SFSWAP: variants seen among roughly 807,000 people sequenced by gnomAD.
The protein encoded by SFSWAP is splicing factor, suppressor of white-apricot homolog.
A neutral mutation model predicts 100.7 loss-of-function variants in SFSWAP; 17 were observed. That is an observed-to-expected ratio of 0.17 (90% CI 0.12 to 0.25). The LOEUF is 0.25. Ranked by LOEUF, SFSWAP falls within the 10% of genes least tolerant of loss-of-function variation. The probability of loss-of-function intolerance (pLI) is 1.00; values close to 1 mark genes in which losing one functional copy is unlikely to be tolerated. For synonymous variants in SFSWAP, 504 were observed against 510.1 expected (o/e 0.99, Z 0.16); for missense variants, 1,005 against 1,262.6 (o/e 0.80, Z 3.09).
At chr12:131,743,521 A>C (rs1038622413) in intron 7 of SFSWAP, among the ~76,000 whole-genome samples, 5 of 152,240 alleles carry the variant, frequency 3.3e-5, no homozygotes, top group Admixed American at 6.5e-5. Flanking sequence ...GGTCACGCTG[A>C]TGCAAGAGGT....
intron 4 of SFSWAP, among the ~76,000 whole-genome samples, chr12:131,724,539 C>A (rs1214036250): frequency 6.6e-6 from 1 of 152,230 alleles, no homozygotes; most frequent in Non-Finnish European, 1.5e-5. Context: ...TCTTAACCAT[C>A]CATTTTTAAT....
chr12:131,762,236 AAAAAAAAC>A (rs1255019388), intron 11 of SFSWAP, among the ~76,000 whole-genome samples: 3 of 151,924 alleles, frequency 2.0e-5, no homozygotes, highest in Admixed American at 2.0e-4. Flanking sequence ...CCGTCTCCAA[AAAAAAAAC>A]AAAAAAAAAG....
At position 131,778,069 on chromosome 12, in the gene SFSWAP, C is replaced by T; in HGVS notation, c.2147C>T (p.Ser716Phe). 2 of 1,605,074 alleles carry T rather than the reference C, an allele frequency of 1.2e-6. No individual in the cohort carries two copies. The highest frequency in any genetic ancestry group is 1.7e-6 in the Non-Finnish European group (2 of 1,177,486). The change falls in exon 14 of 18, where the codon TCC becomes TTC. Residue 716 changes from serine (S) to phenylalanine (F), a missense_variant. Ser to Phe is a radical substitution (Grantham distance 155). Around this residue, in one of 7 missense-constraint regions of SFSWAP, gnomAD observed 295 missense variants for 347.9 expected, o/e 0.85. Transcript: ENST00000261674. This position sits in a 1 kb window ranked among gnomAD's most constrained non-coding sequence, Gnocchi z 4.2. ...AGATTTTCCTTTTATTCTTAGGAATCCAGCACTACGCCCTGCCCTCTACTG... is the reference window on the plus strand; with the variant it reads ...AGATTTTCCTTTTATTCTTAGGAATTCAGCACTACGCCCTGCCCTCTACTG... ...IEESPFSVEE[S>F]STTPCPLLTG...
At position 131,753,125 on chromosome 12, in the gene SFSWAP, A is replaced by T. The variant is rs1380252561; in HGVS notation, c.1084A>T (p.Thr362Ser). 6.2e-7 allele frequency: 1 copy of T among 1,614,118 alleles called. No homozygotes were observed. Among genetic ancestry groups the T allele is most frequent in the South Asian group, 1.1e-5 (1 of 91,074 alleles). Reference sequence around the variant, plus strand: ...TCCGGGGCAATGTGTCTCCACAGCGACCGTGGCAGCCATGTATTACAGCTA... The same window carrying T: ...TCCGGGGCAATGTGTCTCCACAGCGTCCGTGGCAGCCATGTATTACAGCTA... ...PSQVEYTADS[T>S]VAAMYYSYYM... The change falls in exon 8 of 18, where the codon ACC becomes TCC. Residue 362 changes from threonine (T) to serine (S), a missense_variant and splice_region_variant. Around this residue, in one of 7 missense-constraint regions of SFSWAP, gnomAD observed 311 missense variants for 317.8 expected, o/e 0.98. Coordinates refer to ENST00000261674, the MANE Select transcript of SFSWAP (RefSeq NM_004592.4).
chr12:131,728,955 A>G (rs1458233733), intron 7 of SFSWAP, among the ~76,000 whole-genome samples: 2 of 152,048 alleles, frequency 1.3e-5, no homozygotes, highest in African/African-American at 2.4e-5. Flanking sequence ...TTGGCCTTCA[A>G]AAGTGCTAGG....
At position 131,711,161 on chromosome 12, in the gene SFSWAP, G is replaced by C; in HGVS notation, c.-69G>C. On this transcript the variant is annotated 5_prime_UTR_variant, in exon 1 of 18. Coordinates refer to ENST00000261674, the MANE Select transcript of SFSWAP (RefSeq NM_004592.4). The surrounding 1 kb of genome is among the most constrained non-coding windows in gnomAD (Gnocchi z 4.9). ...GCGGGGTCTTTGACTGAAGGGGTAG[G>C]CCAAGTGGAGGTATCAGGGACGTCG... 7.8e-7 allele frequency: 1 copy of C among 1,288,032 alleles called. No homozygotes were observed. The highest frequency in any genetic ancestry group is 1.4e-5 in the South Asian group (1 of 70,880). 79.8% of individuals were successfully genotyped at this position (1,288,032 alleles called of 1,614,324 possible).
rs761103899 is a variant in SFSWAP at position 131,714,092 on chromosome 12, G to A, written c.240G>A (p.Leu80=). 27 of 1,613,492 alleles carry A rather than the reference G, an allele frequency of 1.7e-5. No individual in the cohort carries two copies. The highest frequency in any genetic ancestry group is 4.5e-5 in the East Asian group (2 of 44,896). Residue 80 remains leucine, a synonymous_variant, in exon 2 of 18, where the codon CTG becomes CTA. Coordinates refer to ENST00000261674, the MANE Select transcript of SFSWAP (RefSeq NM_004592.4). This position sits in a 1 kb window ranked among gnomAD's most constrained non-coding sequence, Gnocchi z 6.0. ...LIDRYDGRGH[L]HDLSEYDAEY... ...ACAGATATGATGGACGTGGTCACCT[G>A]CATGACCTTTCTGAGTACGATGCTG...
intron 15 of SFSWAP, among the ~76,000 whole-genome samples, chr12:131,792,152 TACTG>T (rs1885287486): frequency 6.7e-6 from 1 of 149,800 alleles, no homozygotes; most frequent in African/African-American, 2.5e-5. Context: ...CACGGATCGT[TACTG>T]TGTGTGCACC....
At position 131,778,746 on chromosome 12, in the gene SFSWAP, G is replaced by A. The variant is rs930582993; in HGVS notation, c.2408+416G>A. 1.8e-4 allele frequency among the ~76,000 whole-genome samples: 27 copies of A among 152,086 alleles called. No individual in the cohort carries two copies. The highest frequency in any genetic ancestry group is 6.5e-4 in the African/African-American group (27 of 41,408). On this transcript the variant is annotated intron_variant, in intron 14 of 17. Coordinates refer to ENST00000261674, the MANE Select transcript of SFSWAP (RefSeq NM_004592.4). The surrounding 1 kb of genome is among the most constrained non-coding windows in gnomAD (Gnocchi z 4.2). The stretch of plus-strand genomic sequence containing the variant: ...TCGGCCAGGCTGGTCTTAAACTCCT[G>A]ACCTCAGGTAATCCACCCACCTTGG...
At chr12:131,747,310 CA>C (rs1030594655) in intron 7 of SFSWAP, among the ~76,000 whole-genome samples, 5 of 152,038 alleles carry the variant, frequency 3.3e-5, no homozygotes, top group African/African-American at 1.2e-4. Context: ...GTGGCCATGA[CA>C]AGGGGACCAG....
intron 11 of SFSWAP, 59 bp from the exon 12 acceptor site, chr12:131,764,397 G>C (rs1276195691): frequency 7.3e-7 from 1 of 1,379,044 alleles, no homozygotes; most frequent in African/African-American, 1.4e-5. Context: ...GTGGGTAGCA[G>C]GGCCTGCAAA....
chr12:131,732,541 C>T (rs1025833260), intron 7 of SFSWAP, among the ~76,000 whole-genome samples: 1 of 152,218 alleles, frequency 6.6e-6, no homozygotes, highest in Non-Finnish European at 1.5e-5. Flanking sequence ...CACACCCAGC[C>T]CTGCTCAGGA....
At chr12:131,728,495 C>T in intron 7 of SFSWAP, 67 bp downstream of exon 7, 3 of 1,540,810 alleles carry the variant, frequency 1.9e-6, no homozygotes, top group Non-Finnish European at 2.7e-6. Context: ...CTACAGGGCT[C>T]TAAACCCCAA....
intron 11 of SFSWAP, among the ~76,000 whole-genome samples, chr12:131,758,702 A>G (rs1882395925): frequency 6.6e-6 from 1 of 152,200 alleles, no homozygotes; most frequent in African/African-American, 2.4e-5. Context: ...ATGCCAGCAC[A>G]TAGGGAGGCC....
At chr12:131,745,847 A>G (rs1046278593) in intron 7 of SFSWAP, among the ~76,000 whole-genome samples, 8 of 151,534 alleles carry the variant, frequency 5.3e-5, no homozygotes, top group Middle Eastern at 3.5e-3. Flanking sequence ...TCTGACATTG[A>G]TCCAGCAGCC....
At chr12:131,779,583 A>T (rs1884332370) in intron 14 of SFSWAP, among the ~76,000 whole-genome samples, 1 of 151,644 alleles carries the variant, frequency 6.6e-6, no homozygotes, top group Admixed American at 6.6e-5. Context: ...ACACTGGCTG[A>T]CTCTCCTCGG....
chr12:131,786,641 G>T (rs539126905), intron 15 of SFSWAP, 53 bp downstream of exon 15: 1 of 1,545,330 alleles, frequency 6.5e-7, no homozygotes, highest in Admixed American at 1.9e-5. Flanking sequence ...GTTTCCCTGG[G>T]TGGAAAGGGC....
chr12:131,730,473 G>A lies in SFSWAP; in HGVS notation c.1081+2045G>A, dbSNP rs1355366110. 2.6e-5 allele frequency among the ~76,000 whole-genome samples: 4 copies of A among 152,238 alleles called. No homozygotes were observed. The highest frequency in any genetic ancestry group is 4.8e-5 in the African/African-American group (2 of 41,460). ...GAACAGCCATGTGCAGACCCCGCAGGACCAGGCAGGATGGTGGAGCCGGCT... is the reference window on the plus strand; with the variant it reads ...GAACAGCCATGTGCAGACCCCGCAGAACCAGGCAGGATGGTGGAGCCGGCT... On this transcript the variant is annotated intron_variant, in intron 7 of 17. Coordinates refer to ENST00000261674, the MANE Select transcript of SFSWAP (RefSeq NM_004592.4). This position sits in a 1 kb window ranked among gnomAD's most constrained non-coding sequence, Gnocchi z 4.0.
chr12:131,767,587 T>TAC (rs1883217412), intron 13 of SFSWAP, among the ~76,000 whole-genome samples: 1 of 152,242 alleles, frequency 6.6e-6, no homozygotes, highest in Non-Finnish European at 1.5e-5. Context: ...ACATTTGAAC[T>TAC]ATAATATTAG....
Sources: gnomAD v4.1 joint callset for allele counts (sites outside exome capture counted in the v4.1 genomes callset) on GRCh38, gnomAD v4.1.1 for gene constraint, gnomAD v4.1.1 regional missense constraint, Gnocchi (gnomAD v3.1) non-coding constraint, MANE v1.5 for transcripts, NCBI Gene and HGNC (gene_info 2026-07-23, HGNC 2026-07-21) for gene names.